The following GABRG3 variants were observed in gnomAD, a reference collection of about 807,000 sequenced individuals.
GABRG3 encodes gamma-aminobutyric acid receptor subunit gamma-3.
Under a neutral mutation model 48.8 loss-of-function variants are expected in GABRG3, and 25 were observed. The ratio of observed to expected loss-of-function variants is 0.51; its 90% confidence interval spans 0.37 to 0.72. The LOEUF (loss-of-function observed/expected upper bound fraction) is 0.72. GABRG3 is among the 30% of genes least tolerant of loss of function. The pLI, the probability that GABRG3 is intolerant of heterozygous loss-of-function variation, is 0.00. For synonymous variants in GABRG3, 227 were observed against 217.6 expected (o/e 1.04, Z -0.38); for missense variants, 394 against 577.9 (o/e 0.68, Z 3.26).
intron 3 of GABRG3, among the ~76,000 whole-genome samples, chr15:27,149,633 T>A (rs976668142): frequency 6.6e-6 from 1 of 152,212 alleles, no homozygotes; most frequent in Non-Finnish European, 1.5e-5. Context: ...AGTATAACGA[T>A]AGGCATATGC....
intron 3 of GABRG3, among the ~76,000 whole-genome samples, chr15:27,128,968 A>T (rs1010963967): frequency 6.6e-6 from 1 of 152,256 alleles, no homozygotes; most frequent in Non-Finnish European, 1.5e-5. Context: ...AAGTTCTCAC[A>T]TATTTAGATA....
chr15:27,278,555 A>G (rs1410490425), intron 3 of GABRG3, among the ~76,000 whole-genome samples: 1 of 152,106 alleles, frequency 6.6e-6, no homozygotes, highest in African/African-American at 2.4e-5. Flanking sequence ...TATATTAGGT[A>G]TTGCTCTGAG....
At chr15:27,468,216 G>A (rs1282697067) in intron 5 of GABRG3, among the ~76,000 whole-genome samples, 1 of 152,202 alleles carries the variant, frequency 6.6e-6, no homozygotes, top group African/African-American at 2.4e-5. Flanking sequence ...ATCACAAGGT[G>A]AAAAGTACAC....
At chr15:27,245,455 GA>G (rs1460718229) in intron 3 of GABRG3, among the ~76,000 whole-genome samples, 4 of 152,140 alleles carry the variant, frequency 2.6e-5, no homozygotes, top group African/African-American at 9.7e-5. Flanking sequence ...AAATTATTGA[GA>G]ATCATTTAGC....
chr15:27,151,230 A>G (rs1010031604), intron 3 of GABRG3, among the ~76,000 whole-genome samples: 1 of 151,956 alleles, frequency 6.6e-6, no homozygotes, highest in African/African-American at 2.4e-5. Context: ...GACCACACAC[A>G]TTTCCCTCAT....
chr15:27,393,141 T>G (rs140780521), intron 5 of GABRG3, among the ~76,000 whole-genome samples: 78 of 151,984 alleles, frequency 5.1e-4, no homozygotes, highest in South Asian at 2.5e-3. Context: ...GTCAGGAGAT[T>G]GAGACCATCC....
At chr15:27,299,258 T>C (rs1481482062) in intron 3 of GABRG3, among the ~76,000 whole-genome samples, 1 of 152,064 alleles carries the variant, frequency 6.6e-6, no homozygotes, top group Non-Finnish European at 1.5e-5. Context: ...CATTCCACCT[T>C]GGGCAACAAG....
At chr15:27,256,097 G>A (rs1890601864) in intron 3 of GABRG3, among the ~76,000 whole-genome samples, 1 of 152,116 alleles carries the variant, frequency 6.6e-6, no homozygotes, top group South Asian at 2.1e-4. Context: ...CCAATCACCA[G>A]GGTCTTTGTA....
intron 6 of GABRG3, among the ~76,000 whole-genome samples, chr15:27,487,083 TGTCA>T (rs1488150806): frequency 2.6e-5 from 4 of 152,192 alleles, no homozygotes; most frequent in Non-Finnish European, 4.4e-5. Flanking sequence ...TTAAAAATAG[TGTCA>T]GTATCTTTGT....
intron 3 of GABRG3, among the ~76,000 whole-genome samples, chr15:27,222,052 A>C (rs1379344035): frequency 6.6e-6 from 1 of 152,180 alleles, no homozygotes; most frequent in African/African-American, 2.4e-5. Context: ...AATTTTCCTC[A>C]ATCCCATTAT....
intron 3 of GABRG3, among the ~76,000 whole-genome samples, chr15:27,127,498 A>G (rs1257974189): frequency 6.6e-6 from 1 of 151,984 alleles, no homozygotes; most frequent in Non-Finnish European, 1.5e-5. Flanking sequence ...GGGAAAGTGG[A>G]AAATCTCTGG....
chr15:27,218,196 T>G (rs910734496), intron 3 of GABRG3, among the ~76,000 whole-genome samples: 7 of 152,020 alleles, frequency 4.6e-5, no homozygotes, highest in Non-Finnish European at 7.4e-5. Context: ...TTTTAATGTT[T>G]AATATTTGTT....
intron 3 of GABRG3, among the ~76,000 whole-genome samples, chr15:27,323,702 C>T (rs1893508550): frequency 6.6e-6 from 1 of 152,186 alleles, no homozygotes; most frequent in African/African-American, 2.4e-5. Flanking sequence ...CTGTCTCACT[C>T]TACACCTCAC....
chr15:27,168,876 ACT>A (rs1402667342), intron 3 of GABRG3, among the ~76,000 whole-genome samples: 1 of 152,228 alleles, frequency 6.6e-6, no homozygotes, highest in African/African-American at 2.4e-5. Flanking sequence ...GAATGAAAGG[ACT>A]GAGAAAACCA....
intron 2 of GABRG3, among the ~76,000 whole-genome samples, chr15:27,017,565 C>G (rs1173280762): frequency 3.3e-5 from 5 of 152,202 alleles, no homozygotes; most frequent in African/African-American, 1.2e-4. Flanking sequence ...TGGGCAGCCC[C>G]ACAAAAAGTC....
chr15:27,102,167 A>G (rs1285426901), intron 3 of GABRG3, among the ~76,000 whole-genome samples: 2 of 152,208 alleles, frequency 1.3e-5, no homozygotes, highest in Non-Finnish European at 2.9e-5. Flanking sequence ...CGGGAGTCCC[A>G]TTACACACAT....
chr15:27,530,931 T>G, intron 9 of GABRG3: 1 of 338,618 alleles, frequency 3.0e-6, no homozygotes, highest in South Asian at 2.2e-5. Flanking sequence ...CCGGAGGTTG[T>G]CAAAAGGAGG....
intron 3 of GABRG3, among the ~76,000 whole-genome samples, chr15:27,265,696 C>T (rs62001282): frequency 6.6e-6 from 1 of 152,128 alleles, no homozygotes. Flanking sequence ...CAAGTATGGA[C>T]GTTGCAAATA....
chr15:27,232,646 T>G (rs1045695843), intron 3 of GABRG3, among the ~76,000 whole-genome samples: 6 of 152,150 alleles, frequency 3.9e-5, no homozygotes, highest in African/African-American at 1.4e-4. Flanking sequence ...TTTTAATCAT[T>G]CAGTCTTGAC....
Sources: gnomAD v4.1 joint callset for allele counts (sites outside exome capture counted in the v4.1 genomes callset) on GRCh38, gnomAD v4.1.1 for gene constraint, MANE v1.5 for transcripts, NCBI Gene and HGNC (gene_info 2026-07-23, HGNC 2026-07-21) for gene names.